The following TNRC18 variants were observed in gnomAD, a reference collection of about 807,000 sequenced individuals.
TNRC18 encodes trinucleotide repeat containing 18.
A neutral mutation model predicts 226.7 loss-of-function variants in TNRC18; 69 were observed. That is an observed-to-expected ratio of 0.30 (90% CI 0.25 to 0.37). The LOEUF (loss-of-function observed/expected upper bound fraction) is 0.37, where lower values mean the gene tolerates loss of function less well. Among genes scored for constraint, TNRC18 ranks in the 10% least tolerant of loss-of-function variants. The pLI is 1.00. For missense variants in TNRC18, 4,754 were observed against 4,256.6 expected, an observed-to-expected ratio of 1.12 and a Z score of -3.25; for synonymous variants, 2,449 against 1,927.6, an observed-to-expected ratio of 1.27 and a Z score of -7.09.
chr7:5,400,198 A>G (rs538243747), intron 2 of TNRC18, among the ~76,000 whole-genome samples: 39 of 152,096 alleles, frequency 2.6e-4, no homozygotes, highest in Non-Finnish European at 4.0e-4. Flanking sequence ...AGCCTGGTCT[A>G]TGATTATTGT....
chr7:5,404,474 A>G (rs1359254641), intron 2 of TNRC18, among the ~76,000 whole-genome samples: 1 of 152,224 alleles, frequency 6.6e-6, no homozygotes. Flanking sequence ...GTATTGAAAC[A>G]GTGATGTCAT....
chr7:5,401,901 C>A lies in TNRC18; in HGVS notation c.188-7306G>T, dbSNP rs567153762. ...CTTAAGAACGGCCTGGTTGGCCGGGCGTGGTGGCTCACACCTGTAATCCCA... is the reference window on the plus strand; with the variant it reads ...CTTAAGAACGGCCTGGTTGGCCGGGAGTGGTGGCTCACACCTGTAATCCCA... On this transcript the variant is annotated intron_variant, in intron 2 of 29. Coordinates refer to ENST00000430969, the MANE Select transcript of TNRC18 (RefSeq NM_001080495.3). Among the ~76,000 whole-genome samples, 11 of 152,196 alleles carry A rather than the reference C, an allele frequency of 7.2e-5. No individual in the cohort carries two copies. In the East Asian group the frequency reaches 2.1e-3, roughly 29 times the overall value.
At chr7:5,361,533 G>A in intron 14 of TNRC18, 61 bp downstream of exon 14, 13 of 1,434,594 alleles carry the variant, frequency 9.1e-6, no homozygotes, top group Non-Finnish European at 1.1e-5. Flanking sequence ...CCTGCGTGGG[G>A]CCCGGGCTCC....
At chr7:5,403,736 G>C (rs1003940658) in intron 2 of TNRC18, among the ~76,000 whole-genome samples, 1 of 151,888 alleles carries the variant, frequency 6.6e-6, no homozygotes, top group Non-Finnish European at 1.5e-5. Context: ...GAGGCATTGA[G>C]CTATGGTTGC....
chr7:5,312,656 G>C lies in TNRC18; in HGVS notation c.8235C>G (p.Ala2745=). 7 of 1,608,416 alleles carry C rather than the reference G, an allele frequency of 4.4e-6. No individual in the cohort carries two copies. Among genetic ancestry groups the C allele is most frequent in the Non-Finnish European group, 5.9e-6 (7 of 1,178,514 alleles). ...QPLQPKAQAG[A]KSRPKKREGV... ...CCTCTCTCTTCTTGGGTCGGCTCTT[G>C]GCCCCGGCCTGAGCCTTGGGCTGCA... The change falls in exon 27 of 30, where the codon GCC becomes GCG. Residue 2745 remains alanine (A), a synonymous_variant. Coordinates refer to ENST00000430969, the MANE Select transcript of TNRC18 (RefSeq NM_001080495.3). This position sits in a 1 kb window ranked among gnomAD's most constrained non-coding sequence, Gnocchi z 6.3.
chr7:5,362,916 C>A, intron 11 of TNRC18, 91 bp from the exon 12 acceptor site: 1 of 1,343,716 alleles, frequency 7.4e-7, no homozygotes, highest in South Asian at 1.5e-5. Flanking sequence ...GCGCAGGCCC[C>A]AGGCCACACG....
At chr7:5,326,742 G>A (rs2128121243) in intron 19 of TNRC18, among the ~76,000 whole-genome samples, 1 of 151,990 alleles carries the variant, frequency 6.6e-6, no homozygotes, top group Non-Finnish European at 1.5e-5. Flanking sequence ...GGTAGGCGGA[G>A]GTTGCAGTGA....
At position 5,372,509 on chromosome 7, in the gene TNRC18, C is replaced by G. The variant is rs545041741; in HGVS notation, c.3230-1145G>C. Among the ~76,000 whole-genome samples, 4 of 151,476 alleles carry G rather than the reference C, an allele frequency of 2.6e-5. No individual in the cohort carries two copies. In the South Asian group the frequency reaches 8.4e-4, roughly 32 times the overall value. On this transcript the variant is annotated intron_variant, in intron 10 of 29. Coordinates refer to ENST00000430969, the MANE Select transcript of TNRC18 (RefSeq NM_001080495.3). Reference sequence around the variant, plus strand: ...AAGTGCTGGGATTACAGGCGTGAGCCACTGTGCCTGACCTGGAAGACTCCA... The same window carrying G: ...AAGTGCTGGGATTACAGGCGTGAGCGACTGTGCCTGACCTGGAAGACTCCA...
chr7:5,350,156 G>C (rs1425786643), intron 17 of TNRC18, among the ~76,000 whole-genome samples: 1 of 152,040 alleles, frequency 6.6e-6, no homozygotes, highest in Non-Finnish European at 1.5e-5. Flanking sequence ...AGGGAGAAGG[G>C]GATCGTAAAC....
chr7:5,341,858 G>C (rs1790722187), intron 18 of TNRC18, among the ~76,000 whole-genome samples: 1 of 151,156 alleles, frequency 6.6e-6, no homozygotes, highest in Admixed American at 6.6e-5. Context: ...CTGCTGTTGA[G>C]ACCTATTGTT....
At chr7:5,345,902 C>G (rs1562522947) in intron 17 of TNRC18, 92 bp from the exon 18 acceptor site, 2 of 1,456,854 alleles carry the variant, frequency 1.4e-6, no homozygotes, top group Non-Finnish European at 9.1e-7. Flanking sequence ...CCTCTGGGCT[C>G]CAGCCTAGTC....
At chr7:5,374,866 T>C (rs1465275499) in intron 9 of TNRC18, among the ~76,000 whole-genome samples, 3 of 152,196 alleles carry the variant, frequency 2.0e-5, no homozygotes, top group Admixed American at 1.3e-4. Flanking sequence ...CACTACCTGC[T>C]AAACCTTCCT....
intron 18 of TNRC18, 90 bp from the exon 19 acceptor site, chr7:5,333,139 G>A: frequency 4.9e-6 from 7 of 1,420,384 alleles, no homozygotes; most frequent in Non-Finnish European, 6.7e-6. Context: ...CTCCCCGGCG[G>A]GACCTCCCCG....
At chr7:5,339,229 C>CTTT (rs199794938) in intron 18 of TNRC18, among the ~76,000 whole-genome samples, 57 of 142,588 alleles carry the variant, frequency 4.0e-4, no homozygotes, top group Admixed American at 2.8e-4. Flanking sequence ...CTTTTTTTTT[C>CTTT]TTTTTTTTTT....
chr7:5,312,881 G>A lies in TNRC18; in HGVS notation c.8010C>T (p.Ser2670=), dbSNP rs116600716. The change falls in exon 27 of 30, where the codon TCC becomes TCT. Residue 2670 remains serine, a synonymous_variant. Coordinates refer to ENST00000430969, the MANE Select transcript of TNRC18 (RefSeq NM_001080495.3). The surrounding 1 kb of genome is among the most constrained non-coding windows in gnomAD (Gnocchi z 6.3). The part of the protein sequence containing the change: ...SSSSSSSSSS[S]STTDEDSSCS... ...AGGAAGAGTCCTCGTCTGTGGTGGA[G>A]GAAGAAGAGGAGGAAGAGGAGGAGG... 2.4e-3 allele frequency: 3,674 copies of A among 1,524,488 alleles called. 69 individuals are homozygous for A. In the African/African-American group the frequency reaches 0.044, roughly 18 times the overall value. The allele number at this position is 1,524,488 out of a possible 1,614,324, so 94.4% of individuals were successfully genotyped here.
chr7:5,325,234 T>C lies in TNRC18; in HGVS notation c.6162A>G (p.Lys2054=). 2 of 1,552,604 alleles carry C rather than the reference T, an allele frequency of 1.3e-6. No individual in the cohort carries two copies. The highest frequency in any genetic ancestry group is 1.7e-6 in the Non-Finnish European group (2 of 1,153,460). ...GCAGCCCAGCTCCTGGCCCAGCCTC[T>C]TTCCCTTTCTTCTTCTGGAGGAGGA... is the stretch of plus-strand genomic sequence containing the variant. The part of the protein sequence containing the change: ...RKDPRKKKKG[K]EAGPGAGLPP... The change falls in exon 20 of 30, where the codon AAA becomes AAG. Residue 2054 remains lysine, a synonymous_variant. Coordinates refer to ENST00000430969, the MANE Select transcript of TNRC18 (RefSeq NM_001080495.3).
intron 2 of TNRC18, among the ~76,000 whole-genome samples, chr7:5,402,110 C>T (rs534472789): frequency 7.1e-6 from 1 of 141,156 alleles, no homozygotes; most frequent in East Asian, 2.2e-4. Flanking sequence ...ACCCGGGAGG[C>T]GGAGCATGCC....
Position 5,345,645 on chromosome 7 carries a change from G to C in TNRC18, c.5636C>G (p.Pro1879Arg). ...CACAGACAGGGATGGACCCACCGTG[G>C]GGCTGGGGAGGGCGCTGGCGGCGAA... is the stretch of plus-strand genomic sequence containing the variant. ...ARFAASALPS[P>R]TVGPSLSVVQ... Residue 1879 changes from proline to arginine, a missense_variant, in exon 18 of 30, where the codon CCC becomes CGC. Transcript: ENST00000430969. 1 of 1,555,788 alleles carries C rather than the reference G, an allele frequency of 6.4e-7. No individual in the cohort carries two copies. Among genetic ancestry groups the C allele is most frequent in the Non-Finnish European group, 8.7e-7 (1 of 1,149,920 alleles).
Position 5,332,928 on chromosome 7 carries a change from C to G in TNRC18, c.5841G>C (p.Thr1947=). 6.5e-7 allele frequency: 1 copy of G among 1,545,348 alleles called. No individual in the cohort carries two copies. Among genetic ancestry groups the G allele is most frequent in the Non-Finnish European group, 8.7e-7 (1 of 1,152,726 alleles). ...TGGGGTCGGGACCGCGGGCGCCAGGCGTGGGTGCGGCCAGGGAGGGTCCCG... is the reference window on the plus strand; with the variant it reads ...TGGGGTCGGGACCGCGGGCGCCAGGGGTGGGTGCGGCCAGGGAGGGTCCCG... The part of the protein sequence containing the change: ...GEPGPSLAAP[T]PGARGPDPSS... Residue 1947 remains threonine, a synonymous_variant, in exon 19 of 30, where the codon ACG becomes ACC. Coordinates refer to ENST00000430969, the MANE Select transcript of TNRC18 (RefSeq NM_001080495.3).
Sources: gnomAD v4.1 joint callset for allele counts (sites outside exome capture counted in the v4.1 genomes callset) on GRCh38, gnomAD v4.1.1 for gene constraint, Gnocchi (gnomAD v3.1) non-coding constraint, MANE v1.5 for transcripts, NCBI Gene and HGNC (gene_info 2026-07-23, HGNC 2026-07-21) for gene names.